Variants in PDE1A observed in about 807,000 individuals in gnomAD.
The protein encoded by PDE1A is dual specificity calcium/calmodulin-dependent 3',5'-cyclic nucleotide phosphodiesterase 1A.
A neutral mutation model predicts 61.7 loss-of-function variants in PDE1A; 35 were observed. The ratio of observed to expected loss-of-function variants is 0.57; its 90% CI spans 0.43 to 0.75. The LOEUF is 0.75. PDE1A is among the 30% of genes least tolerant of loss of function. PDE1A has a pLI of 0.00. For synonymous variants in PDE1A, 232 were observed against 213.2 expected (o/e 1.09, Z -0.77); for missense variants, 597 against 630.6 (o/e 0.95, Z 0.57).
intron 2 of PDE1A, among the ~76,000 whole-genome samples, chr2:182,449,783 T>A (rs1685391873): frequency 6.6e-6 from 1 of 152,094 alleles, no homozygotes; most frequent in Non-Finnish European, 1.5e-5. Context: ...GATAATTTTC[T>A]GAATATCTCT....
chr2:182,204,080 C>T (rs1278177919), intron 8 of PDE1A, among the ~76,000 whole-genome samples: 1 of 151,986 alleles, frequency 6.6e-6, no homozygotes, highest in East Asian at 1.9e-4. Context: ...AATAAAATCA[C>T]ACTGAAATAG....
At chr2:182,273,585 G>T (rs566229128) in intron 1 of PDE1A, among the ~76,000 whole-genome samples, 4 of 152,106 alleles carry the variant, frequency 2.6e-5, no homozygotes, top group Admixed American at 2.0e-4. Context: ...TACACATTAA[G>T]TGAAAAGAGA....
chr2:182,560,512 C>T, the PDE1A span, among the ~76,000 whole-genome samples: 47 of 150,794 alleles, frequency 3.1e-4, no homozygotes, highest in African/African-American at 1.0e-3. Flanking sequence ...TGAATAGTGC[C>T]GCAATAAACA....
the PDE1A span, among the ~76,000 whole-genome samples, chr2:182,595,374 C>T: frequency 6.6e-6 from 1 of 152,192 alleles, no homozygotes; most frequent in Admixed American, 6.5e-5. Flanking sequence ...AACTGCACAA[C>T]TGATTGACTC....
At chr2:182,413,022 CAA>C (rs1326348335) in intron 1 of PDE1A, among the ~76,000 whole-genome samples, 1 of 151,934 alleles carries the variant, frequency 6.6e-6, no homozygotes, top group Admixed American at 6.6e-5. Context: ...CCAGTTCAGA[CAA>C]AAGAGAGAGA....
chr2:182,458,961 A>G (rs1051997665), intron 2 of PDE1A, among the ~76,000 whole-genome samples: 1 of 152,102 alleles, frequency 6.6e-6, no homozygotes, highest in African/African-American at 2.4e-5. Flanking sequence ...AAGCTTATCA[A>G]TATCTTCTCT....
chr2:182,350,948 T>G (rs1331638124), intron 1 of PDE1A, among the ~76,000 whole-genome samples: 1 of 152,232 alleles, frequency 6.6e-6, no homozygotes, highest in African/African-American at 2.4e-5. Context: ...CTCTAGTTGT[T>G]ACCACTCTGT....
chr2:182,616,174 G>A, the PDE1A span, among the ~76,000 whole-genome samples: 1 of 152,190 alleles, frequency 6.6e-6, no homozygotes, highest in African/African-American at 2.4e-5. Context: ...CTAGAATAAG[G>A]CTTCAATCAC....
chr2:182,496,607 T>C (rs1688730381), intron 2 of PDE1A, among the ~76,000 whole-genome samples: 1 of 152,240 alleles, frequency 6.6e-6, no homozygotes, highest in Non-Finnish European at 1.5e-5. Flanking sequence ...GAAAGGGGCC[T>C]GAAAGCATTT....
chr2:182,555,092 C>G, the PDE1A span, among the ~76,000 whole-genome samples: 1 of 152,200 alleles, frequency 6.6e-6, no homozygotes. Flanking sequence ...GACATCACTC[C>G]TGGGCAATGA....
downstream of PDE1A, among the ~76,000 whole-genome samples, chr2:182,144,535 G>C (rs536986181): frequency 2.0e-4 from 31 of 152,310 alleles, no homozygotes; most frequent in African/African-American, 7.0e-4. Flanking sequence ...ATTGATTTAT[G>C]AAGTCTCAAC....
At chr2:182,480,370 C>T (rs932922830) in intron 2 of PDE1A, among the ~76,000 whole-genome samples, 3 of 151,866 alleles carry the variant, frequency 2.0e-5, no homozygotes, top group African/African-American at 7.2e-5. Context: ...ATTTAAAGTT[C>T]AGAGAGCCCA....
the PDE1A span, among the ~76,000 whole-genome samples, chr2:182,690,895 A>G: frequency 6.6e-6 from 1 of 152,190 alleles, no homozygotes; most frequent in Non-Finnish European, 1.5e-5. Context: ...ACAGACAAAC[A>G]GAGAGCCAAA....
chr2:182,408,719 T>C (rs949750437), intron 1 of PDE1A, among the ~76,000 whole-genome samples: 4 of 152,248 alleles, frequency 2.6e-5, no homozygotes, highest in African/African-American at 9.6e-5. Flanking sequence ...TCTCTATCAC[T>C]ACCCAGTGTT....
intron 2 of PDE1A, among the ~76,000 whole-genome samples, chr2:182,484,303 C>G (rs570487499): frequency 2.0e-5 from 3 of 152,016 alleles, no homozygotes; most frequent in Non-Finnish European, 1.5e-5. Context: ...CAATACTTTT[C>G]ATAAACATAT....
intron 2 of PDE1A, among the ~76,000 whole-genome samples, chr2:182,443,986 A>T (rs534295350): frequency 3.3e-5 from 5 of 152,144 alleles, no homozygotes; most frequent in Non-Finnish European, 5.9e-5. Flanking sequence ...TTCAGGCGTG[A>T]GCCACCGCGC....
At chr2:182,201,329 C>T (rs1686609691) in intron 10 of PDE1A, 110 bp downstream of exon 10, 22 of 1,325,886 alleles carry the variant, frequency 1.7e-5, no homozygotes, top group Non-Finnish European at 2.2e-5. Context: ...GTGTAGGTGG[C>T]CAGTTGATAA....
chr2:182,313,709 CTTTAA>C (rs1043330151), intron 1 of PDE1A, among the ~76,000 whole-genome samples: 36 of 152,272 alleles, frequency 2.4e-4, no homozygotes, highest in African/African-American at 7.7e-4. Flanking sequence ...TCTACAAACA[CTTTAA>C]TTTATCAATT....
At chr2:182,528,299 C>A in the PDE1A span, among the ~76,000 whole-genome samples, 2 of 152,168 alleles carry the variant, frequency 1.3e-5, no homozygotes, top group Non-Finnish European at 2.9e-5. Context: ...GTAAAGGTGA[C>A]TCTTGCTATG....
Sources: allele counts gnomAD v4.1 joint callset (sites outside exome capture counted in the v4.1 genomes callset), GRCh38; gene constraint gnomAD v4.1.1; transcripts MANE v1.5; gene names NCBI Gene and HGNC (gene_info 2026-07-23, HGNC 2026-07-21).